Variants in ADAM23 observed in about 807,000 individuals in gnomAD.
The protein encoded by ADAM23 is disintegrin and metalloproteinase domain-containing protein 23.
In ADAM23, 33 loss-of-function variants were observed where a neutral mutation model predicts 120.1. The ratio of observed to expected loss-of-function variants is 0.27; its 90% CI spans 0.21 to 0.37. The LOEUF (loss-of-function observed/expected upper bound fraction) is 0.37, where lower values mean the gene tolerates loss of function less well. Ranked by LOEUF, ADAM23 falls within the 10% of genes least tolerant of loss-of-function variation. The probability of loss-of-function intolerance (pLI) is 1.00; values close to 1 mark genes in which losing one functional copy is unlikely to be tolerated. For synonymous variants in ADAM23, 367 were observed against 375.2 expected, an observed-to-expected ratio of 0.98 and a Z score of 0.25; for missense variants, 862 against 1,058.2, an observed-to-expected ratio of 0.81 and a Z score of 2.57.
At chr2:206,611,529 TA>T in intron 25 of ADAM23, among the ~76,000 whole-genome samples, 1 of 152,190 alleles carries the variant, frequency 6.6e-6, no homozygotes, top group East Asian at 1.9e-4. Context: ...ACTTTTTCAT[TA>T]GTATGCCTCA....
intron 14 of ADAM23, among the ~76,000 whole-genome samples, chr2:206,566,902 C>CA (rs773147123): frequency 2.3e-4 from 35 of 151,014 alleles, no homozygotes; most frequent in Non-Finnish European, 4.7e-4. Flanking sequence ...TAAAAATTAA[C>CA]AAACTTTAAA....
At chr2:206,604,335 G>A (rs946190034) in intron 24 of ADAM23, among the ~76,000 whole-genome samples, 1 of 152,134 alleles carries the variant, frequency 6.6e-6, no homozygotes, top group Non-Finnish European at 1.5e-5. Context: ...CTGAAAGCAA[G>A]GGTTTTCTAA....
chr2:206,451,090 G>T (rs1695184319), intron 2 of ADAM23, among the ~76,000 whole-genome samples: 1 of 152,238 alleles, frequency 6.6e-6, no homozygotes, highest in Non-Finnish European at 1.5e-5. Context: ...AATTGAGCTG[G>T]CCCTAAAGAG....
At chr2:206,498,998 A>G (rs540617507) in intron 3 of ADAM23, among the ~76,000 whole-genome samples, 2 of 152,284 alleles carry the variant, frequency 1.3e-5, no homozygotes, top group African/African-American at 4.8e-5. Context: ...AGGAAACAAC[A>G]GGTGCTGGAG....
chr2:206,564,267 ATGAAGAGAAGAGCCCAT>A (rs1405218860), intron 13 of ADAM23, among the ~76,000 whole-genome samples: 3 of 152,160 alleles, frequency 2.0e-5, no homozygotes, highest in African/African-American at 7.2e-5. Flanking sequence ...GAAAAAATTA[ATGAAGAGAAGAGCCCAT>A]CACAATATCA....
chr2:206,606,283 A>G (rs1253187211), intron 24 of ADAM23, among the ~76,000 whole-genome samples: 3 of 152,186 alleles, frequency 2.0e-5, no homozygotes, highest in Non-Finnish European at 4.4e-5. Flanking sequence ...AAATTTACAT[A>G]TATAACTAGC....
At chr2:206,445,583 A>G in intron 2 of ADAM23, 59 bp downstream of exon 2, 1 of 1,438,318 alleles carries the variant, frequency 7.0e-7, no homozygotes, top group Non-Finnish European at 9.5e-7. Context: ...CTTTGATTTG[A>G]TTTTCTGCCA....
At chr2:206,538,121 A>G (rs1046362515) in intron 4 of ADAM23, among the ~76,000 whole-genome samples, 7 of 152,214 alleles carry the variant, frequency 4.6e-5, no homozygotes, top group Non-Finnish European at 1.0e-4. Flanking sequence ...AAAAATTTAC[A>G]TAGCATTGGT....
In ADAM23 at chr2:206,571,758, C is replaced by A. The variant is rs779263287; in HGVS notation, c.1598C>A (p.Ser533Tyr). The stretch of plus-strand genomic sequence containing the variant: ...TATGGATTATGCTGTAAGAAATGTT[C>A]CCTCTCCAACGGGGCTCACTGCAGC... ...ECYGLCCKKC[S>Y]LSNGAHCSDG... Residue 533 changes from serine to tyrosine, a missense_variant, in exon 17 of 26, where the codon TCC (serine) becomes TAC (tyrosine). Around this residue, in one of 4 missense-constraint regions of ADAM23, gnomAD observed 617 missense variants for 813.5 expected, o/e 0.76. Coordinates refer to ENST00000264377, the MANE Select transcript of ADAM23 (RefSeq NM_003812.4). 4.3e-6 allele frequency: 7 copies of A among 1,614,086 alleles called. No individual in the cohort carries two copies. The Admixed American group carries it at 8.3e-5, about 19-fold the overall frequency.
intron 24 of ADAM23, among the ~76,000 whole-genome samples, chr2:206,599,927 C>T (rs1698604099): frequency 6.6e-6 from 1 of 152,184 alleles, no homozygotes; most frequent in South Asian, 2.1e-4. Flanking sequence ...TGTGGCCGGG[C>T]ACGGTGGCTC....
chr2:206,519,447 G>A (rs944359744), intron 3 of ADAM23, among the ~76,000 whole-genome samples: 11 of 152,006 alleles, frequency 7.2e-5, no homozygotes, highest in East Asian at 1.9e-4. Flanking sequence ...TTAAACAATC[G>A]AAGTCCCAGT....
At chr2:206,468,338 A>G (rs571790575) in intron 2 of ADAM23, among the ~76,000 whole-genome samples, 5 of 152,272 alleles carry the variant, frequency 3.3e-5, no homozygotes, top group African/African-American at 7.2e-5. Context: ...CATGCATATG[A>G]GCATAAGTTG....
At chr2:206,453,407 ATATTT>A (rs1695235934) in intron 2 of ADAM23, among the ~76,000 whole-genome samples, 1 of 152,248 alleles carries the variant, frequency 6.6e-6, no homozygotes, top group Non-Finnish European at 1.5e-5. Context: ...CTAAATGAAA[ATATTT>A]TATTCCTTTC....
intron 4 of ADAM23, among the ~76,000 whole-genome samples, chr2:206,541,229 A>G (rs528025832): frequency 6.6e-6 from 1 of 152,042 alleles, no homozygotes; most frequent in African/African-American, 2.4e-5. Flanking sequence ...CAAAAATTCT[A>G]AAAATAAATA....
chr2:206,534,970 T>TC (rs1047694335), intron 4 of ADAM23, among the ~76,000 whole-genome samples: 1 of 151,986 alleles, frequency 6.6e-6, no homozygotes, highest in African/African-American at 2.4e-5. Context: ...TTTTCTTTTT[T>TC]TTTTGTAGGA....
intron 2 of ADAM23, among the ~76,000 whole-genome samples, chr2:206,451,243 G>A (rs1194004922): frequency 6.6e-6 from 1 of 152,200 alleles, no homozygotes; most frequent in Admixed American, 6.5e-5. Context: ...GGAAACTCAA[G>A]TGTAGGAAAC....
At chr2:206,463,186 C>A (rs1695461462) in intron 2 of ADAM23, among the ~76,000 whole-genome samples, 1 of 152,164 alleles carries the variant, frequency 6.6e-6, no homozygotes, top group Admixed American at 6.5e-5. Flanking sequence ...GCAGAAGACA[C>A]TTTGTAGATA....
chr2:206,588,627 A>G (rs978801990), intron 20 of ADAM23, among the ~76,000 whole-genome samples: 2 of 152,216 alleles, frequency 1.3e-5, no homozygotes, highest in African/African-American at 2.4e-5. Context: ...TGAGATGCAG[A>G]TAGGTACATG....
intron 24 of ADAM23, among the ~76,000 whole-genome samples, chr2:206,603,578 G>A (rs1574561409): frequency 1.3e-5 from 2 of 152,152 alleles, no homozygotes; most frequent in Non-Finnish European, 2.9e-5. Context: ...TTAGCGTTAA[G>A]AGTACTTACC....
Sources: allele counts gnomAD v4.1 joint callset (sites outside exome capture counted in the v4.1 genomes callset), GRCh38; gene constraint gnomAD v4.1.1; regional missense constraint gnomAD v4.1.1; transcripts MANE v1.5; gene names NCBI Gene and HGNC (gene_info 2026-07-23, HGNC 2026-07-21).